Variants in MCC observed in about 807,000 individuals in gnomAD.
MCC encodes the protein MCC regulator of Wnt signaling pathway, also known as colorectal mutant cancer protein.
A neutral mutation model predicts 116.2 loss-of-function variants in MCC; 90 were observed. The observed-to-expected ratio is 0.77, with a 90% CI of 0.65 to 0.92. MCC has a LOEUF of 0.92. Ranked by LOEUF, MCC falls within the 40% of genes least tolerant of loss-of-function variation. The probability of loss-of-function intolerance (pLI) is 0.00; values close to 1 mark genes in which losing one functional copy is unlikely to be tolerated. For missense variants in MCC, 1,516 were observed against 1,312.2 expected (o/e 1.16, Z -2.40); for synonymous variants, 578 against 510.5 (o/e 1.13, Z -1.78).
At chr5:113,179,390 CTG>C (rs1378714656) in intron 3 of MCC, among the ~76,000 whole-genome samples, 1 of 152,192 alleles carries the variant, frequency 6.6e-6, no homozygotes. Context: ...GGCAAGTACA[CTG>C]GCTGTTAGTA....
intron 17 of MCC, among the ~76,000 whole-genome samples, chr5:113,031,338 GC>G (rs1750938843): frequency 6.6e-6 from 1 of 152,082 alleles, no homozygotes; most frequent in African/African-American, 2.4e-5. Context: ...TTTCCTCCCG[GC>G]ATTGGAGAGT....
At chr5:113,153,553 T>C (rs992946791) in intron 3 of MCC, among the ~76,000 whole-genome samples, 14 of 152,366 alleles carry the variant, frequency 9.2e-5, no homozygotes, top group African/African-American at 3.4e-4. Context: ...GGCAGGTCCC[T>C]TCACTTCTCT....
At chr5:113,074,008 G>C (rs1191721917) in intron 11 of MCC, among the ~76,000 whole-genome samples, 1 of 152,220 alleles carries the variant, frequency 6.6e-6, no homozygotes, top group African/African-American at 2.4e-5. Context: ...AAAAGTCCCT[G>C]TCTGACAGCT....
At chr5:113,152,451 T>C (rs1159985303) in intron 3 of MCC, among the ~76,000 whole-genome samples, 1 of 152,180 alleles carries the variant, frequency 6.6e-6, no homozygotes, top group African/African-American at 2.4e-5. Flanking sequence ...GGTGAACAAC[T>C]GGAATTAGAA....
chr5:113,219,152 T>A (rs1763444991), intron 3 of MCC, among the ~76,000 whole-genome samples: 1 of 152,204 alleles, frequency 6.6e-6, no homozygotes, highest in Non-Finnish European at 1.5e-5. Context: ...CCCGAGAAGA[T>A]AATAACAAGT....
At chr5:113,201,404 A>AC (rs1762674263) in intron 3 of MCC, among the ~76,000 whole-genome samples, 1 of 143,220 alleles carries the variant, frequency 7.0e-6, no homozygotes, top group Non-Finnish European at 1.5e-5. Context: ...AAAAAAAAAA[A>AC]ACAAAGAAGA....
At chr5:113,168,844 A>G (rs1428282346) in intron 3 of MCC, among the ~76,000 whole-genome samples, 1 of 152,174 alleles carries the variant, frequency 6.6e-6, no homozygotes, top group African/African-American at 2.4e-5. Context: ...TTACCCCTAA[A>G]GTCTATAAAG....
intron 16 of MCC, among the ~76,000 whole-genome samples, chr5:113,046,610 A>AT (rs1752089275): frequency 6.7e-6 from 1 of 148,480 alleles, no homozygotes; most frequent in South Asian, 2.1e-4. Flanking sequence ...TGGTAACTCC[A>AT]TTCCTACCAC....
At chr5:113,468,742 G>A (rs1250264324) in intron 1 of MCC, among the ~76,000 whole-genome samples, 2 of 152,194 alleles carry the variant, frequency 1.3e-5, no homozygotes, top group Non-Finnish European at 2.9e-5. Flanking sequence ...GATTGGAATA[G>A]TTTCAGAAGG....
intron 1 of MCC, among the ~76,000 whole-genome samples, chr5:113,425,295 A>G (rs1770451552): frequency 6.6e-6 from 1 of 152,242 alleles, no homozygotes; most frequent in Non-Finnish European, 1.5e-5. Flanking sequence ...TATGCCCAGT[A>G]AAACAATCAA....
intron 11 of MCC, among the ~76,000 whole-genome samples, chr5:113,080,627 G>A (rs577694950): frequency 2.6e-5 from 4 of 152,200 alleles, no homozygotes; most frequent in East Asian, 3.9e-4. Context: ...CACACGGTGT[G>A]GAACATCACA....
intron 5 of MCC, among the ~76,000 whole-genome samples, chr5:113,131,805 A>G (rs1209081251): frequency 6.6e-6 from 1 of 152,176 alleles, no homozygotes; most frequent in Non-Finnish European, 1.5e-5. Flanking sequence ...CCAGCTGGTA[A>G]GAGAATCTGA....
intron 14 of MCC, among the ~76,000 whole-genome samples, chr5:113,060,831 A>G (rs987857918): frequency 4.6e-5 from 7 of 152,162 alleles, no homozygotes; most frequent in Non-Finnish European, 8.8e-5. Flanking sequence ...AACACCAGTA[A>G]GCGTTTGTCT....
At chr5:113,344,376 C>A (rs34625553) in intron 2 of MCC, among the ~76,000 whole-genome samples, 14,140 of 152,124 alleles carry the variant, frequency 0.093, 934 homozygotes, top group Non-Finnish European at 0.12. Context: ...GACTGCAATT[C>A]TTCCTAGGCA....
chr5:113,478,284 G>C (rs1435823391), intron 1 of MCC, among the ~76,000 whole-genome samples: 3 of 152,318 alleles, frequency 2.0e-5, no homozygotes, highest in African/African-American at 4.8e-5. Context: ...GTGGAATGTA[G>C]AGGCAGCAAG....
intron 2 of MCC, among the ~76,000 whole-genome samples, chr5:113,346,800 G>T (rs754572705): frequency 1.3e-5 from 2 of 152,002 alleles, no homozygotes; most frequent in African/African-American, 2.4e-5. Context: ...AAAGGTCAAG[G>T]ATAAAGAAAG....
chr5:113,145,441 C>T lies in MCC; in HGVS notation c.742-2081G>A, dbSNP rs190439164. Reference sequence around the variant, plus strand: ...TTTCCACTTACACACTCAATGAGCTCTCACTTTCCCTTATTTCTCTACTCC... The same window carrying T: ...TTTCCACTTACACACTCAATGAGCTTTCACTTTCCCTTATTTCTCTACTCC... On this transcript the variant is annotated intron_variant, in intron 4 of 18. Coordinates refer to ENST00000408903, the MANE Select transcript of MCC (RefSeq NM_001085377.2). 1.6e-3 allele frequency among the ~76,000 whole-genome samples: 251 copies of T among 152,270 alleles called. 1 individual carries two copies. Among genetic ancestry groups the T allele is most frequent in the Non-Finnish European group, 2.5e-3 (170 of 68,026 alleles).
At chr5:113,282,644 T>C (rs752800286) in intron 3 of MCC, among the ~76,000 whole-genome samples, 5 of 152,156 alleles carry the variant, frequency 3.3e-5, no homozygotes, top group Non-Finnish European at 7.3e-5. Context: ...CTCTCCTCAA[T>C]CTTAACACCC....
At chr5:113,169,800 A>G (rs963008108) in intron 3 of MCC, among the ~76,000 whole-genome samples, 10 of 152,342 alleles carry the variant, frequency 6.6e-5, no homozygotes, top group African/African-American at 2.4e-4. Context: ...GTCAACAATC[A>G]GAGGGCTGTC....
Sources: allele counts gnomAD v4.1 joint callset (sites outside exome capture counted in the v4.1 genomes callset), GRCh38; gene constraint gnomAD v4.1.1; transcripts MANE v1.5; gene names NCBI Gene and HGNC (gene_info 2026-07-23, HGNC 2026-07-21).